The following XPNPEP3 variants were observed in gnomAD, a reference collection of about 807,000 sequenced individuals.
The protein encoded by XPNPEP3 is X-prolyl aminopeptidase 3, also known as xaa-Pro aminopeptidase 3.
In XPNPEP3, 41 loss-of-function variants were observed where a neutral mutation model predicts 60.0. That is an observed-to-expected ratio of 0.68 (90% CI 0.53 to 0.89). The LOEUF (loss-of-function observed/expected upper bound fraction) is 0.89, where lower values mean the gene tolerates loss of function less well. XPNPEP3 is among the 40% of genes least tolerant of loss of function. The pLI is 0.00. For missense variants in XPNPEP3, 598 were observed against 638.9 expected, an observed-to-expected ratio of 0.94 and a Z score of 0.69; for synonymous variants, 212 against 223.2, an observed-to-expected ratio of 0.95 and a Z score of 0.45.
At chr22:40,870,129 A>G (rs2057998071) in intron 2 of XPNPEP3, 1 of 470,452 alleles carries the variant, frequency 2.1e-6, no homozygotes, top group Non-Finnish European at 4.4e-6. Flanking sequence ...AGAGTTTTTC[A>G]AAGCTGTAAG....
Position 40,909,125 on chromosome 22 carries a change from G to A in XPNPEP3, c.859G>A (p.Glu287Lys), listed in dbSNP as rs2058167133. Residue 287 changes from glutamate to lysine, a missense_variant, in exon 6 of 10, where the codon GAA becomes AAA. Physicochemically the swap from Glu to Lys is moderately conservative, Grantham distance 56. Transcript: ENST00000357137. ...ACCTTGCTGTTGTTTTTCACAGTTT[G>A]AATTTGAATGCCGGGCTCGTGGCGC... ...VEEAFLYAKF[E>K]FECRARGADI... 1 of 1,614,158 alleles carries A rather than the reference G, an allele frequency of 6.2e-7. No individual in the cohort carries two copies. Among genetic ancestry groups the A allele is most frequent in the Non-Finnish European group, 8.5e-7 (1 of 1,179,998 alleles).
chr22:40,858,789 C>G (rs2057922731), intron 1 of XPNPEP3, among the ~76,000 whole-genome samples: 1 of 151,978 alleles, frequency 6.6e-6, no homozygotes, highest in Non-Finnish European at 1.5e-5. Context: ...CTCGGCCTCC[C>G]AAAGTGCTGG....
intron 1 of XPNPEP3, among the ~76,000 whole-genome samples, chr22:40,868,557 A>G (rs1316595635): frequency 1.3e-5 from 2 of 152,168 alleles, no homozygotes; most frequent in African/African-American, 4.8e-5. Context: ...CAAAGGCCAT[A>G]TAAATATTGA....
At chr22:40,861,103 T>C (rs2057942208) in intron 1 of XPNPEP3, 2 of 1,610,862 alleles carry the variant, frequency 1.2e-6, no homozygotes, top group Non-Finnish European at 8.5e-7. Context: ...TGCACCTCTT[T>C]ACGCTTCTTT....
chr22:40,909,357 A>C, intron 6 of XPNPEP3, 122 bp downstream of exon 6: 2 of 806,712 alleles, frequency 2.5e-6, no homozygotes, highest in Non-Finnish European at 4.2e-6. Flanking sequence ...AAAGTATTTT[A>C]TTGCTTATAA....
chr22:40,877,580 C>G (rs2058032326), intron 2 of XPNPEP3, among the ~76,000 whole-genome samples: 1 of 152,200 alleles, frequency 6.6e-6, no homozygotes, highest in African/African-American at 2.4e-5. Flanking sequence ...TGCAGAATCT[C>G]AGAACTGATA....
chr22:40,869,227 A>G (rs914686881), intron 2 of XPNPEP3, 112 bp downstream of exon 2: 2 of 918,042 alleles, frequency 2.2e-6, no homozygotes, highest in African/African-American at 3.3e-5. Context: ...TAAGGTAGCC[A>G]CTAACCTCAC....
intron 9 of XPNPEP3, 94 bp downstream of exon 9, chr22:40,924,576 T>C: frequency 6.5e-7 from 1 of 1,531,434 alleles, no homozygotes; most frequent in Admixed American, 1.9e-5. Context: ...CAGGCTGGAG[T>C]GAAGTGGTGT....
chr22:40,915,121 G>A (rs1326354957), intron 7 of XPNPEP3, among the ~76,000 whole-genome samples: 4 of 142,394 alleles, frequency 2.8e-5, no homozygotes, highest in African/African-American at 7.9e-5. Context: ...GCATGATCTC[G>A]GCTCACTGCT....
rs765234342 is a variant in XPNPEP3, at chr22:40,869,054, G to A, written c.120G>A (p.Arg40=). 1 of 1,613,960 alleles carries A rather than the reference G, an allele frequency of 6.2e-7. No individual in the cohort carries two copies. The highest frequency in any genetic ancestry group is 8.5e-7 in the Non-Finnish European group (1 of 1,179,990). ...RYSLQPVPER[R]IPNRYLGQPS... ...CCCTTCAGCCTGTCCCAGAAAGGAG[G>A]ATTCCAAACCGATACTTAGGCCAGC... The change falls in exon 2 of 10, where the codon AGG becomes AGA. Residue 40 remains arginine, a synonymous_variant. Transcript: ENST00000357137.
chr22:40,931,867 A>G lies in XPNPEP3; in HGVS notation c.*5432A>G, dbSNP rs1381742092. On this transcript the variant is annotated 3_prime_UTR_variant, in exon 10 of 10. Transcript: ENST00000357137. Reference sequence around the variant, plus strand: ...TCCGTTTTTGTAAGGTGAGAAAGGGAAAAACCTTCACCGTAGAAATACTGT... The same window carrying G: ...TCCGTTTTTGTAAGGTGAGAAAGGGGAAAACCTTCACCGTAGAAATACTGT... 6.6e-6 allele frequency: 1 copy of G among 152,204 alleles called. No homozygotes were observed. The highest frequency in any genetic ancestry group is 2.4e-5 in the African/African-American group (1 of 41,446). 9.4% of individuals were successfully genotyped at this position (152,204 alleles called of 1,614,324 possible).
At chr22:40,858,822 G>T (rs2057923003) in intron 1 of XPNPEP3, among the ~76,000 whole-genome samples, 1 of 152,176 alleles carries the variant, frequency 6.6e-6, no homozygotes, top group African/African-American at 2.4e-5. Context: ...GAGCCACCGC[G>T]CCCGGCTTAG....
Position 40,861,156 on chromosome 22 carries a change from G to A in XPNPEP3, c.64+3911G>A, listed in dbSNP as rs760578355. On this transcript the variant is annotated intron_variant, in intron 1 of 9. Coordinates refer to ENST00000357137, the MANE Select transcript of XPNPEP3 (RefSeq NM_022098.4). The stretch of plus-strand genomic sequence containing the variant: ...CTCTTTGACTCCTGCTGAGAAAATA[G>A]GGGGATCTCTGTTGCTGGTAACCCA... 3 of 1,613,920 alleles carry A rather than the reference G, an allele frequency of 1.9e-6. No homozygotes were observed. The highest frequency in any genetic ancestry group is 2.5e-6 in the Non-Finnish European group (3 of 1,179,984).
intron 2 of XPNPEP3, among the ~76,000 whole-genome samples, chr22:40,875,362 A>G (rs911105045): frequency 6.6e-6 from 1 of 152,028 alleles, no homozygotes; most frequent in African/African-American, 2.4e-5. Context: ...TAGAGATGGG[A>G]TCTCACTTTG....
intron 7 of XPNPEP3, among the ~76,000 whole-genome samples, chr22:40,918,713 G>C (rs1180435458): frequency 6.6e-6 from 1 of 151,178 alleles, no homozygotes; most frequent in South Asian, 2.1e-4. Context: ...AGGGATATTT[G>C]TTGGTAAGAT....
rs1305736792 is a variant in XPNPEP3, at chr22:40,926,901, T to G, written c.*466T>G. On this transcript the variant is annotated 3_prime_UTR_variant, in exon 10 of 10. Coordinates refer to ENST00000357137, the MANE Select transcript of XPNPEP3 (RefSeq NM_022098.4). ...CTCTGCCTATGCAAAAATTCATCTT[T>G]CGGTGATTGTGGGCGGCCAATACAT... The G allele has an allele frequency of 4.1e-6, 1 of 241,248 alleles. No individual in the cohort carries two copies. The highest frequency in any genetic ancestry group is 8.2e-6 in the Non-Finnish European group (1 of 121,438). The allele number at this position is 241,248 out of a possible 1,614,324, so 14.9% of individuals were successfully genotyped here.
At chr22:40,865,809 A>T (rs2057975939) in intron 1 of XPNPEP3, among the ~76,000 whole-genome samples, 1 of 152,164 alleles carries the variant, frequency 6.6e-6, no homozygotes, top group African/African-American at 2.4e-5. Flanking sequence ...TGCTGGGATT[A>T]CAAGCATGAG....
chr22:40,857,323 C>T, intron 1 of XPNPEP3, 78 bp downstream of exon 1: 5 of 1,524,906 alleles, frequency 3.3e-6, no homozygotes, highest in South Asian at 1.2e-5. Context: ...ATCCCTGGTT[C>T]GGCTGACCCT....
chr22:40,913,521 AC>A (rs1250153338), intron 6 of XPNPEP3, among the ~76,000 whole-genome samples: 2 of 151,332 alleles, frequency 1.3e-5, no homozygotes, highest in Non-Finnish European at 2.9e-5. Flanking sequence ...CCGGCATACC[AC>A]TGGCATGCCA....
Sources: allele counts gnomAD v4.1 joint callset (sites outside exome capture counted in the v4.1 genomes callset), GRCh38; gene constraint gnomAD v4.1.1; transcripts MANE v1.5; gene names NCBI Gene and HGNC (gene_info 2026-07-23, HGNC 2026-07-21).